EMILIN3: variants seen among roughly 807,000 people sequenced by gnomAD.
The protein encoded by EMILIN3 is elastin microfibril interfacer 3.
Under a neutral mutation model 42.8 loss-of-function variants are expected in EMILIN3, and 38 were observed. The observed-to-expected ratio is 0.89, with a 90% CI of 0.69 to 1.16. The LOEUF (loss-of-function observed/expected upper bound fraction) is 1.16, where lower values mean the gene tolerates loss of function less well. EMILIN3 is among the 50% of genes most tolerant of loss of function. EMILIN3 has a pLI of 0.00. For synonymous variants in EMILIN3, 430 were observed against 440.5 expected, an observed-to-expected ratio of 0.98 and a Z score of 0.30; for missense variants, 924 against 999.5, an observed-to-expected ratio of 0.92 and a Z score of 1.02.
In EMILIN3 at chr20:41,361,959, A is replaced by C. The variant is rs1600754027; in HGVS notation, c.1610T>G (p.Val537Gly). ...SAILDSLVAE[V>G]KAWQSRSEAL... ...CTCGCTCCGGCTCTGCCAGGCCTTC[A>C]CCTCTGCCACGAGGCTGTCCAGGAT... Residue 537 changes from valine to glycine, a missense_variant, in exon 4 of 4, where the codon GTG becomes GGG. Coordinates refer to ENST00000332312, the MANE Select transcript of EMILIN3 (RefSeq NM_052846.2). 1.2e-6 allele frequency: 2 copies of C among 1,612,028 alleles called. No homozygotes were observed. The highest frequency in any genetic ancestry group is 8.5e-7 in the Non-Finnish European group (1 of 1,179,014).
chr20:41,363,772 T>A lies in EMILIN3; in HGVS notation c.380A>T (p.Lys127Ile). 1 of 1,614,096 alleles carries A rather than the reference T, an allele frequency of 6.2e-7. No individual in the cohort carries two copies. Among genetic ancestry groups the A allele is most frequent in the Non-Finnish European group, 8.5e-7 (1 of 1,180,008 alleles). ...GTCCGTGAGGTGCTCAGGGCAGCGT[T>A]TCCCAGTGAAGCCGGGACAGCAACG... The part of the protein sequence containing the change: ...AWRCCPGFTG[K>I]RCPEHLTDHG... Residue 127 changes from lysine (K) to isoleucine (I), a missense_variant, in exon 3 of 4, where the codon AAA (lysine) becomes ATA (isoleucine). Coordinates refer to ENST00000332312, the MANE Select transcript of EMILIN3 (RefSeq NM_052846.2).
Position 41,362,268 on chromosome 20 carries a change from C to T in EMILIN3, c.1301G>A (p.Gly434Glu), listed in dbSNP as rs148707176. ...GAGCGTCTCCAGACCCTCAAGCAGC[C>T]CGTCCACACCTCCCTCGAGCATGGC... is the stretch of plus-strand genomic sequence containing the variant. Reference protein sequence around the residue: ...SAAMLEGGVDGLLEGLETLNG... With the variant: ...SAAMLEGGVDELLEGLETLNG... Residue 434 changes from glycine to glutamate, a missense_variant, in exon 4 of 4, where the codon GGG (glycine) becomes GAG (glutamate). Gly to Glu is a moderately conservative substitution (Grantham distance 98). Transcript: ENST00000332312. 1 of 1,613,862 alleles carries T rather than the reference C, an allele frequency of 6.2e-7. No individual in the cohort carries two copies. The highest frequency in any genetic ancestry group is 8.5e-7 in the Non-Finnish European group (1 of 1,180,012).
chr20:41,365,905 C>T (rs2046391065), intron 1 of EMILIN3, among the ~76,000 whole-genome samples: 1 of 152,166 alleles, frequency 6.6e-6, no homozygotes, highest in African/African-American at 2.4e-5. Context: ...CTGGCATAAG[C>T]CGACCGCTGT....
In EMILIN3 at chr20:41,365,016, A is replaced by G. The variant is rs372805298; in HGVS notation, c.290+19T>C. ...TTGTGCCAGGGGATTCCAAGTGTGT[A>G]GGTGAGGAGTGCACTTACGTGACTG... On this transcript the variant is annotated intron_variant, in intron 2 of 3. Coordinates refer to ENST00000332312, the MANE Select transcript of EMILIN3 (RefSeq NM_052846.2). 9.3e-6 allele frequency: 15 copies of G among 1,613,034 alleles called. No individual in the cohort carries two copies. In the Admixed American group the frequency reaches 1.0e-4, roughly 11 times the overall value.
At position 41,364,699 on chromosome 20, in the gene EMILIN3, C is replaced by T. The variant is rs531902597; in HGVS notation, c.290+336G>A. Among the ~76,000 whole-genome samples, 12 of 152,326 alleles carry T rather than the reference C, an allele frequency of 7.9e-5. No individual in the cohort carries two copies. The East Asian group carries it at 2.3e-3, about 29-fold the overall frequency. On this transcript the variant is annotated intron_variant, in intron 2 of 3. Transcript: ENST00000332312. ...CGTTGCCTAAGGGGCCCTCTGCTCC[C>T]TCCTCTCCCCTCACCTTCTGCCTCT... is the stretch of plus-strand genomic sequence containing the variant.
rs2046341804 is a variant in EMILIN3, at chr20:41,360,229, T to C, written c.*1039A>G. ...GTTTCGTACCTGAATTTCTCACCTT[T>C]TGTGAACATCTTGGGAGGGTGGGGG... On this transcript the variant is annotated 3_prime_UTR_variant, in exon 4 of 4. Transcript: ENST00000332312. The C allele has an allele frequency of 6.6e-6, 1 of 152,540 alleles. No individual in the cohort carries two copies. Among genetic ancestry groups the C allele is most frequent in the Non-Finnish European group, 1.5e-5 (1 of 68,062 alleles). The allele number at this position is 152,540 out of a possible 1,614,324, so 9.4% of individuals were successfully genotyped here.
In EMILIN3 at chr20:41,362,189, C is replaced by T; in HGVS notation, c.1380G>A (p.Gly460=). ...RGCCLRLDMG[G]WGVGGFGTML... is the part of the protein sequence containing the mutation. ...TGGTCCCAAAGCCGCCCACTCCCCA[C>T]CCCCCCATGTCCAACCTCAGACAGC... Residue 460 remains glycine (G), a synonymous_variant, in exon 4 of 4, where the codon GGG becomes GGA. Transcript: ENST00000332312. 2 of 1,611,716 alleles carry T rather than the reference C, an allele frequency of 1.2e-6. No homozygotes were observed.
At position 41,362,649 on chromosome 20, in the gene EMILIN3, C is replaced by T. The variant is rs758495759; in HGVS notation, c.920G>A (p.Arg307Gln). The change falls in exon 4 of 4, where the codon CGG becomes CAG. Residue 307 changes from arginine to glutamine, a missense_variant. Physicochemically the swap from Arg to Gln is conservative, Grantham distance 43. Transcript: ENST00000332312. Reference protein sequence around the residue: ...LALLEEYVDRRLHRLWGSLLD... With the variant: ...LALLEEYVDRQLHRLWGSLLD... ...CAGGCTCCCCCAGAGTCGGTGCAGC[C>T]GTCGGTCCACGTACTCCTCCAGCAG... is the stretch of plus-strand genomic sequence containing the variant. 10 of 1,608,710 alleles carry T rather than the reference C, an allele frequency of 6.2e-6. No individual in the cohort carries two copies. The highest frequency in any genetic ancestry group is 3.3e-4 in the Middle Eastern group (2 of 6,084).
At position 41,362,071 on chromosome 20, in the gene EMILIN3, G is replaced by C; in HGVS notation, c.1498C>G (p.Arg500Gly). The C allele has an allele frequency of 2.5e-6, 4 of 1,608,424 alleles. No individual in the cohort carries two copies. The highest frequency in any genetic ancestry group is 2.6e-6 in the Non-Finnish European group (3 of 1,175,546). Reference sequence around the variant, plus strand: ...GCCAGCTCTGTCTGTACAAGGGGCCGAGCTGACCTGCCCGGAGAGGCGCTG... The same window carrying C: ...GCCAGCTCTGTCTGTACAAGGGGCCCAGCTGACCTGCCCGGAGAGGCGCTG... ...HDSASPGRSA[R>G]PLVQTELAVL... Residue 500 changes from arginine to glycine, a missense_variant, in exon 4 of 4, where the codon CGG (arginine) becomes GGG (glycine). By Grantham distance (125) the Arg-to-Gly change is moderately radical. Coordinates refer to ENST00000332312, the MANE Select transcript of EMILIN3 (RefSeq NM_052846.2).
At chr20:41,365,259 T>A in intron 1 of EMILIN3, 102 bp from the exon 2 acceptor site, 1 of 1,473,168 alleles carries the variant, frequency 6.8e-7, no homozygotes, top group Non-Finnish European at 9.1e-7. Flanking sequence ...GACTCCAAAC[T>A]CCCATGTCTC....
In EMILIN3 at chr20:41,365,241, C is replaced by T. The variant is rs56392837; in HGVS notation, c.168-84G>A. 1,427 of 1,531,386 alleles carry T rather than the reference C, an allele frequency of 9.3e-4. 9 individuals carry two copies. In the African/African-American group the frequency reaches 0.017, roughly 18 times the overall value. 94.9% of individuals were successfully genotyped at this position (1,531,386 alleles called of 1,614,324 possible). On this transcript the variant is annotated intron_variant, in intron 1 of 3. Coordinates refer to ENST00000332312, the MANE Select transcript of EMILIN3 (RefSeq NM_052846.2). Reference sequence around the variant, plus strand: ...TACCCTCCCACCTCCATCTGTGGGCCTCAGCAGGACTCCAAACTCCCATGT... The same window carrying T: ...TACCCTCCCACCTCCATCTGTGGGCTTCAGCAGGACTCCAAACTCCCATGT...
rs373870684 is a variant in EMILIN3 at position 41,362,137 on chromosome 20, C to T, written c.1432G>A (p.Glu478Lys). 33 of 1,607,364 alleles carry T rather than the reference C, an allele frequency of 2.1e-5. No homozygotes were observed. Among genetic ancestry groups the T allele is most frequent in the Middle Eastern group, 1.7e-4 (1 of 6,052 alleles). ...TMLEERVQSL[E>K]ERLATLAGEL... ...CCAGCCAATGTTGCTAGGCGCTCCT[C>T]GAGGCTCTGCACGCGCTCTTCCAGC... Residue 478 changes from glutamate to lysine, a missense_variant, in exon 4 of 4, where the codon GAG (glutamate) becomes AAG (lysine). Glu to Lys is a moderately conservative substitution (Grantham distance 56). Transcript: ENST00000332312.
intron 1 of EMILIN3, among the ~76,000 whole-genome samples, chr20:41,365,513 G>T (rs2046389409): frequency 6.6e-6 from 1 of 152,118 alleles, no homozygotes; most frequent in Non-Finnish European, 1.5e-5. Context: ...GGCATTTAAG[G>T]CTTCCGAGTC....
chr20:41,364,714 C>T (rs1409457141), intron 2 of EMILIN3, among the ~76,000 whole-genome samples: 3 of 152,184 alleles, frequency 2.0e-5, no homozygotes, highest in African/African-American at 4.8e-5. Flanking sequence ...CTCCCCTCAC[C>T]TTCTGCCTCT....
chr20:41,366,676 C>T lies in EMILIN3; in HGVS notation c.-42G>A. 1 of 986,362 alleles carries T rather than the reference C, an allele frequency of 1.0e-6. No homozygotes were observed. The highest frequency in any genetic ancestry group is 5.2e-4 in the Middle Eastern group (1 of 1,934). 61.1% of individuals were successfully genotyped at this position (986,362 alleles called of 1,614,324 possible). ...CTGCCCGGCCCCGCGCGGTGCCCCC[C>T]GCCGGGTGTCCGCCTGCAGCGCCGC... On this transcript the variant is annotated 5_prime_UTR_variant, in exon 1 of 4. Coordinates refer to ENST00000332312, the MANE Select transcript of EMILIN3 (RefSeq NM_052846.2). This position sits in a 1 kb window ranked among gnomAD's most constrained non-coding sequence, Gnocchi z 4.2.
Position 41,361,353 on chromosome 20 carries a change from G to C in EMILIN3, c.2216C>G (p.Thr739Arg). Reference sequence around the variant, plus strand: ...ATCCCGGAGGCGGGCAATGTCCTGCGTGTGCTGGGCCAGCGTACGATTCAG... The same window carrying C: ...ATCCCGGAGGCGGGCAATGTCCTGCCTGTGCTGGGCCAGCGTACGATTCAG... The part of the protein sequence containing the change: ...DQLNRTLAQH[T>R]QDIARLRDDL... The change falls in exon 4 of 4, where the codon ACG becomes AGG. Residue 739 changes from threonine (T) to arginine (R), a missense_variant. Physicochemically the swap from Thr to Arg is moderately conservative, Grantham distance 71. Coordinates refer to ENST00000332312, the MANE Select transcript of EMILIN3 (RefSeq NM_052846.2). The C allele has an allele frequency of 6.2e-7, 1 of 1,612,898 alleles. No individual in the cohort carries two copies. Among genetic ancestry groups the C allele is most frequent in the South Asian group, 1.1e-5 (1 of 91,020 alleles).
rs2046354319 is a variant in EMILIN3 at position 41,361,069 on chromosome 20, C to G, written c.*199G>C. 3.7e-6 allele frequency: 2 copies of G among 537,984 alleles called. No homozygotes were observed. The highest frequency in any genetic ancestry group is 6.9e-5 in the South Asian group (2 of 29,164). The allele number at this position is 537,984 out of a possible 1,614,324, so 33.3% of individuals were successfully genotyped here. ...ATGACATCCTTGCCTTGACCGCTGTCCGGAACTGTCCAGTTTCTGCAGCAC... is the reference window on the plus strand; with the variant it reads ...ATGACATCCTTGCCTTGACCGCTGTGCGGAACTGTCCAGTTTCTGCAGCAC... On this transcript the variant is annotated 3_prime_UTR_variant, in exon 4 of 4. Transcript: ENST00000332312.
At chr20:41,365,668 C>T (rs936719678) in intron 1 of EMILIN3, among the ~76,000 whole-genome samples, 4 of 152,208 alleles carry the variant, frequency 2.6e-5, no homozygotes, top group African/African-American at 9.6e-5. Context: ...GTACCACCTC[C>T]TCCAGGAGGC....
rs2235591 is a variant in EMILIN3, at chr20:41,362,193, C to A, written c.1376G>T (p.Gly459Val). The change falls in exon 4 of 4, where the codon GGG becomes GTG. Residue 459 changes from glycine (G) to valine (V), a missense_variant. Transcript: ENST00000332312. ...CCCAAAGCCGCCCACTCCCCACCCC[C>A]CCATGTCCAACCTCAGACAGCATCC... ...ARGCCLRLDM[G>V]GWGVGGFGTM... is the part of the protein sequence containing the mutation. 2.2e-5 allele frequency: 36 copies of A among 1,613,874 alleles called. No individual in the cohort carries two copies. Among genetic ancestry groups the A allele is most frequent in the African/African-American group, 4.0e-5 (3 of 74,934 alleles).
Sources: allele counts gnomAD v4.1 joint callset (sites outside exome capture counted in the v4.1 genomes callset), GRCh38; gene constraint gnomAD v4.1.1; non-coding constraint Gnocchi (gnomAD v3.1); transcripts MANE v1.5; gene names NCBI Gene and HGNC (gene_info 2026-07-23, HGNC 2026-07-21).